The following STRN variants were observed in gnomAD, a reference collection of about 807,000 sequenced individuals.
STRN encodes protein phosphatase 2 regulatory subunit B'''alpha.
Under a neutral mutation model 96.3 loss-of-function variants are expected in STRN, and 53 were observed. That is an observed-to-expected ratio of 0.55 (90% CI 0.44 to 0.69). STRN has a LOEUF of 0.69. Among genes scored for constraint, STRN ranks in the 30% least tolerant of loss-of-function variants. The pLI is 0.00. For missense variants in STRN, 987 were observed against 963.9 expected, an observed-to-expected ratio of 1.02 and a Z score of -0.32; for synonymous variants, 428 against 355.9, an observed-to-expected ratio of 1.20 and a Z score of -2.28.
intron 8 of STRN, among the ~76,000 whole-genome samples, chr2:36,885,431 A>C (rs986470805): frequency 2.3e-4 from 35 of 152,198 alleles, no homozygotes; most frequent in Non-Finnish European, 4.3e-4. Context: ...AAGCCAAGAC[A>C]AATCATCTCC....
At position 36,921,760 on chromosome 2, in the gene STRN, C is replaced by T. The variant is rs140954314; in HGVS notation, c.338+3345G>A. 9.2e-5 allele frequency among the ~76,000 whole-genome samples: 14 copies of T among 152,164 alleles called. No individual in the cohort carries two copies. In the East Asian group the frequency reaches 2.7e-3, roughly 29 times the overall value. ...TATCATTTCTCATCTTAGACTATTA[C>T]AATCTTTCTGCCTGTGTTTAGAGAT... On this transcript the variant is annotated intron_variant, in intron 2 of 17. Coordinates refer to ENST00000263918, the MANE Select transcript of STRN (RefSeq NM_003162.4).
At chr2:36,925,435 G>C (rs1670383610) in intron 1 of STRN, among the ~76,000 whole-genome samples, 1 of 152,160 alleles carries the variant, frequency 6.6e-6, no homozygotes, top group Non-Finnish European at 1.5e-5. Flanking sequence ...CTTCAGGGTA[G>C]GGATTTTACA....
chr2:36,944,120 C>A (rs77556134), intron 1 of STRN, among the ~76,000 whole-genome samples: 2 of 151,592 alleles, frequency 1.3e-5, no homozygotes, highest in East Asian at 3.9e-4. Context: ...AACGCTATCT[C>A]AAAAAAACAA....
rs375046368 is a variant in STRN, at chr2:36,886,783, G to A, written c.975C>T (p.Asp325=). 37 of 1,612,430 alleles carry A rather than the reference G, an allele frequency of 2.3e-5. No individual in the cohort carries two copies. Among genetic ancestry groups the A allele is most frequent in the Non-Finnish European group, 3.1e-5 (37 of 1,179,342 alleles). The change falls in exon 8 of 18, where the codon GAC becomes GAT. Residue 325 remains aspartate, a synonymous_variant. Coordinates refer to ENST00000263918, the MANE Select transcript of STRN (RefSeq NM_003162.4). The stretch of plus-strand genomic sequence containing the variant: ...CCTTGAGTTTGGTAATTACTCCCTG[G>A]TCCACATTCCAGGCTTCAGGCATGA... ...QCLMPEAWNV[D]QGVITKLKEQ...
At chr2:36,955,376 G>A (rs78570308) in intron 1 of STRN, among the ~76,000 whole-genome samples, 3,285 of 152,312 alleles carry the variant, frequency 0.022, 51 homozygotes, top group African/African-American at 0.044. Flanking sequence ...AAAGAAAATC[G>A]AGAGGGAGGA....
In STRN at chr2:36,846,210, T is replaced by C. The variant is rs926090519; in HGVS notation, c.*3246A>G. The stretch of plus-strand genomic sequence containing the variant: ...AGATTTTAATACACTAGAATGACAG[T>C]CTTTAAAACAAGCATGCTAGCCTAT... On this transcript the variant is annotated 3_prime_UTR_variant, in exon 18 of 18. Coordinates refer to ENST00000263918, the MANE Select transcript of STRN (RefSeq NM_003162.4). 6.7e-6 allele frequency: 1 copy of C among 150,282 alleles called. No homozygotes were observed. The highest frequency in any genetic ancestry group is 1.5e-5 in the Non-Finnish European group (1 of 67,604). 9.3% of individuals were successfully genotyped at this position (150,282 alleles called of 1,614,324 possible).
intron 1 of STRN, among the ~76,000 whole-genome samples, chr2:36,943,736 A>AGAGGTTGCAGTGAGCC (rs1670907755): frequency 6.6e-6 from 1 of 151,986 alleles, no homozygotes; most frequent in African/African-American, 2.4e-5. Flanking sequence ...CCTGGGAGGC[A>AGAGGTTGCAGTGAGCC]GAGGTTGCAG....
chr2:36,908,731 T>A (rs1216514357), intron 3 of STRN, among the ~76,000 whole-genome samples: 2 of 152,118 alleles, frequency 1.3e-5, no homozygotes, highest in Non-Finnish European at 2.9e-5. Flanking sequence ...ACCAGCACTT[T>A]GGGAGGCCGT....
At chr2:36,851,400 T>C (rs765973586) in intron 15 of STRN, among the ~76,000 whole-genome samples, 4 of 152,086 alleles carry the variant, frequency 2.6e-5, no homozygotes, top group Non-Finnish European at 4.4e-5. Context: ...GGAAAATCAC[T>C]TGAACCCGGG....
intron 1 of STRN, among the ~76,000 whole-genome samples, chr2:36,958,292 T>A (rs1265808296): frequency 1.3e-5 from 2 of 152,084 alleles, no homozygotes; most frequent in Admixed American, 6.6e-5. Context: ...CACGTCGTCA[T>A]GAACAAGAAC....
At chr2:36,936,964 T>C (rs371478998) in intron 1 of STRN, among the ~76,000 whole-genome samples, 10 of 152,336 alleles carry the variant, frequency 6.6e-5, no homozygotes, top group South Asian at 2.1e-4. Context: ...GATGGCAGAA[T>C]TGTCCAGGTC....
At chr2:36,923,745 A>C (rs1215120968) in intron 2 of STRN, among the ~76,000 whole-genome samples, 3 of 152,262 alleles carry the variant, frequency 2.0e-5, no homozygotes, top group Middle Eastern at 3.4e-3. Context: ...CACCAACTTC[A>C]AAAAGAGAAA....
At chr2:36,912,547 T>C (rs1669990004) in intron 3 of STRN, among the ~76,000 whole-genome samples, 1 of 152,212 alleles carries the variant, frequency 6.6e-6, no homozygotes, top group Non-Finnish European at 1.5e-5. Flanking sequence ...TAATGTACTC[T>C]GTATCAGACT....
chr2:36,850,284 A>T (rs1668188299), intron 16 of STRN, among the ~76,000 whole-genome samples: 1 of 152,242 alleles, frequency 6.6e-6, no homozygotes, highest in African/African-American at 2.4e-5. Context: ...CATCACCAGC[A>T]GCTAAACAAA....
chr2:36,966,158 A>G (rs1572707443), intron 1 of STRN, 72 bp downstream of exon 1: 5 of 1,287,492 alleles, frequency 3.9e-6, no homozygotes, highest in Non-Finnish European at 4.9e-6. Context: ...GGGGAGGGGG[A>G]GAAGGGTCCG....
intron 10 of STRN, among the ~76,000 whole-genome samples, chr2:36,870,368 G>T (rs1000496774): frequency 2.0e-5 from 3 of 151,086 alleles, no homozygotes; most frequent in Admixed American, 2.0e-4. Flanking sequence ...GATTATATTT[G>T]ATTTTACACT....
chr2:36,916,189 T>C (rs1482023543), intron 2 of STRN, 38 bp from the exon 3 acceptor site: 1 of 1,539,310 alleles, frequency 6.5e-7, no homozygotes, highest in Non-Finnish European at 9.0e-7. Context: ...CATCTTAAAA[T>C]ATGTTTAAAT....
intron 6 of STRN, among the ~76,000 whole-genome samples, chr2:36,895,244 G>A (rs1347453925): frequency 1.3e-5 from 2 of 151,668 alleles, no homozygotes; most frequent in Admixed American, 6.6e-5. Flanking sequence ...GAAGAATGGC[G>A]TGAACCTGGG....
intron 10 of STRN, among the ~76,000 whole-genome samples, chr2:36,874,717 TAAAAAAAAAAAAA>T (rs35268065): frequency 1.2e-5 from 1 of 86,276 alleles, no homozygotes; most frequent in African/African-American, 4.8e-5. Context: ...TGTTTAGAGT[TAAAAAAAAAAAAA>T]AAAAAAAAAA....
Sources: gnomAD v4.1 joint callset for allele counts (sites outside exome capture counted in the v4.1 genomes callset) on GRCh38, gnomAD v4.1.1 for gene constraint, MANE v1.5 for transcripts, NCBI Gene and HGNC (gene_info 2026-07-23, HGNC 2026-07-21) for gene names.